PRKCB: variants seen among roughly 807,000 people sequenced by gnomAD.
The protein encoded by PRKCB is protein kinase C beta, also known as protein kinase C beta type.
In PRKCB, 13 loss-of-function variants were observed where a neutral mutation model predicts 81.5. The ratio of observed to expected loss-of-function variants is 0.16; its 90% CI spans 0.10 to 0.25. The LOEUF (loss-of-function observed/expected upper bound fraction) is 0.25, where lower values mean the gene tolerates loss of function less well. PRKCB is among the 10% of genes least tolerant of loss of function. The pLI, the probability that PRKCB is intolerant of heterozygous loss-of-function variation, is 1.00. For synonymous variants in PRKCB, 335 were observed against 321.4 expected (o/e 1.04, Z -0.45); for missense variants, 509 against 875.7 (o/e 0.58, Z 5.29).
chr16:24,120,110 C>T (rs887845160), intron 8 of PRKCB, among the ~76,000 whole-genome samples: 1 of 152,180 alleles, frequency 6.6e-6, no homozygotes, highest in African/African-American at 2.4e-5. Flanking sequence ...AGTACACACT[C>T]TACAATGCTG....
In PRKCB at chr16:23,921,013, T is replaced by C. The variant is rs528379612; in HGVS notation, c.206-67495T>C. ...ACATGGTGGCAGGCAGGAGACAGCA[T>C]GTGCAGGGGAACTCCCATTTATGAA... On this transcript the variant is annotated intron_variant, in intron 2 of 16. Transcript: ENST00000643927. Among the ~76,000 whole-genome samples, 6 of 152,252 alleles carry C rather than the reference T, an allele frequency of 3.9e-5. No individual in the cohort carries two copies. In the South Asian group the frequency reaches 1.2e-3, roughly 32 times the overall value.
At chr16:23,943,350 C>A (rs1964161060) in intron 2 of PRKCB, among the ~76,000 whole-genome samples, 1 of 152,084 alleles carries the variant, frequency 6.6e-6, no homozygotes, top group African/African-American at 2.4e-5. Context: ...CATAGCAAGA[C>A]CCCATCTCTA....
At chr16:23,952,631 G>A (rs1964298800) in intron 2 of PRKCB, among the ~76,000 whole-genome samples, 1 of 152,192 alleles carries the variant, frequency 6.6e-6, no homozygotes, top group Non-Finnish European at 1.5e-5. Flanking sequence ...GTTCTTGGTT[G>A]TCCACGTGGT....
chr16:24,189,185 A>G (rs566935748), intron 15 of PRKCB, among the ~76,000 whole-genome samples: 1 of 152,270 alleles, frequency 6.6e-6, no homozygotes, highest in South Asian at 2.1e-4. Context: ...GCAGAGGTGG[A>G]GTCTGCACCC....
intron 9 of PRKCB, among the ~76,000 whole-genome samples, chr16:24,145,062 G>A (rs1188860456): frequency 6.6e-6 from 1 of 152,208 alleles, no homozygotes; most frequent in East Asian, 1.9e-4. Context: ...AGGTGGTAGG[G>A]AGGGTGTTGG....
intron 2 of PRKCB, among the ~76,000 whole-genome samples, chr16:23,908,000 G>A (rs1265648835): frequency 6.6e-6 from 1 of 152,160 alleles, no homozygotes; most frequent in Non-Finnish European, 1.5e-5. Context: ...ATTGTTGGGG[G>A]CAGCAGGAAG....
At chr16:24,016,029 A>T (rs1187928847) in intron 3 of PRKCB, among the ~76,000 whole-genome samples, 1 of 152,208 alleles carries the variant, frequency 6.6e-6, no homozygotes. Flanking sequence ...TGTGTCAGGC[A>T]GCTGTTTTAA....
At chr16:24,107,962 G>A (rs1313915695) in intron 7 of PRKCB, among the ~76,000 whole-genome samples, 1 of 152,192 alleles carries the variant, frequency 6.6e-6, no homozygotes, top group Non-Finnish European at 1.5e-5. Context: ...TATTTTGTCA[G>A]TGTTCTTTCA....
rs1270474453 is a variant in PRKCB, at chr16:23,902,789, C to CCTCT, written c.205+65386_205+65387insTCTC. Among the ~76,000 whole-genome samples, 257 of 98,730 alleles carry CCTCT rather than the reference C, an allele frequency of 2.6e-3. 27 individuals are homozygous for CCTCT. The highest frequency in any genetic ancestry group is 0.01 in the African/African-American group (240 of 23,172). The allele number at this position is 98,730 out of a possible 152,430, so 64.8% of individuals were successfully genotyped here. On this transcript the variant is annotated intron_variant, in intron 2 of 16. Coordinates refer to ENST00000643927, the MANE Select transcript of PRKCB (RefSeq NM_002738.7). Reference sequence around the variant, plus strand: ...TCCTTCCTTCCTTCCTTCCTCCCTCCCTCCCTCCCTTCCTTCCTTCCTTCC... The same window carrying CCTCT: ...TCCTTCCTTCCTTCCTTCCTCCCTCCCTCTCTCCCTCCCTTCCTTCCTTCCTTCC...
intron 3 of PRKCB, among the ~76,000 whole-genome samples, chr16:23,989,256 GC>G (rs1200186628): frequency 2.6e-5 from 4 of 152,130 alleles, no homozygotes; most frequent in African/African-American, 9.7e-5. Context: ...GAGTCACTGT[GC>G]CCGGCCTATT....
At chr16:23,993,848 G>T (rs1422899535) in intron 3 of PRKCB, among the ~76,000 whole-genome samples, 1 of 152,170 alleles carries the variant, frequency 6.6e-6, no homozygotes, top group African/African-American at 2.4e-5. Flanking sequence ...TGCTAGAAGT[G>T]AAATAGGTGG....
At chr16:23,908,651 G>A (rs575918426) in intron 2 of PRKCB, among the ~76,000 whole-genome samples, 17 of 151,926 alleles carry the variant, frequency 1.1e-4, no homozygotes, top group African/African-American at 4.1e-4. Context: ...CCAGCCTCCC[G>A]AGTAGCTGGG....
chr16:24,219,860 C>G lies in PRKCB; in HGVS notation c.*5044C>G. On this transcript the variant is annotated 3_prime_UTR_variant, in exon 17 of 17. Coordinates refer to ENST00000643927, the MANE Select transcript of PRKCB (RefSeq NM_002738.7). Reference sequence around the variant, plus strand: ...ATTTTCAGCACAGGGCTCTTTCTGACTCTGCTCATGAGATGGTATCAGCCA... The same window carrying G: ...ATTTTCAGCACAGGGCTCTTTCTGAGTCTGCTCATGAGATGGTATCAGCCA... The G allele has an allele frequency of 6.8e-7, 1 of 1,462,350 alleles. No individual in the cohort carries two copies. Among genetic ancestry groups the G allele is most frequent in the Non-Finnish European group, 9.1e-7 (1 of 1,103,968 alleles). The allele number at this position is 1,462,350 out of a possible 1,614,324, so 90.6% of individuals were successfully genotyped here.
chr16:23,965,534 AAATCAAT>A (rs1964476169), intron 2 of PRKCB, among the ~76,000 whole-genome samples: 1 of 152,234 alleles, frequency 6.6e-6, no homozygotes, highest in Non-Finnish European at 1.5e-5. Flanking sequence ...AATTACATAT[AAATCAAT>A]AATCAATAAT....
At chr16:23,995,710 C>T (rs1964946877) in intron 3 of PRKCB, among the ~76,000 whole-genome samples, 1 of 152,154 alleles carries the variant, frequency 6.6e-6, no homozygotes, top group Non-Finnish European at 1.5e-5. Flanking sequence ...TCTAAAGGCA[C>T]AAGTACGATA....
intron 8 of PRKCB, among the ~76,000 whole-genome samples, chr16:24,115,643 T>C (rs1009524939): frequency 6.6e-6 from 1 of 152,154 alleles, no homozygotes; most frequent in Admixed American, 6.5e-5. Context: ...AGAGCATTTT[T>C]CCCAAGACTA....
chr16:24,013,064 C>T (rs1301502004), intron 3 of PRKCB, among the ~76,000 whole-genome samples: 1 of 152,172 alleles, frequency 6.6e-6, no homozygotes, highest in South Asian at 2.1e-4. Flanking sequence ...CAGAACCTCT[C>T]AGTTGCATGC....
At chr16:24,092,679 T>G (rs1966389881) in intron 5 of PRKCB, 112 bp from the exon 6 acceptor site, 2 of 1,030,304 alleles carry the variant, frequency 1.9e-6, no homozygotes, top group Non-Finnish European at 2.8e-6. Flanking sequence ...ATTAAATTTC[T>G]CACTAAACAA....
chr16:23,904,657 C>T (rs1484151560), intron 2 of PRKCB, among the ~76,000 whole-genome samples: 3 of 152,086 alleles, frequency 2.0e-5, no homozygotes, highest in Non-Finnish European at 4.4e-5. Flanking sequence ...AGCGAGTCTT[C>T]ATCTCAAAAG....
Sources: allele counts gnomAD v4.1 joint callset (sites outside exome capture counted in the v4.1 genomes callset), GRCh38; gene constraint gnomAD v4.1.1; transcripts MANE v1.5; gene names NCBI Gene and HGNC (gene_info 2026-07-23, HGNC 2026-07-21).